Variants in CRMP1 observed in about 807,000 individuals in gnomAD.
CRMP1 encodes collapsin response mediator protein 1, also known as dihydropyrimidinase-related protein 1.
In CRMP1, 19 loss-of-function variants were observed where a neutral mutation model predicts 68.3. The observed-to-expected ratio is 0.28, with a 90% CI of 0.19 to 0.41. The LOEUF (loss-of-function observed/expected upper bound fraction) is 0.41, where lower values mean the gene tolerates loss of function less well. CRMP1 is among the 10% of genes least tolerant of loss of function. The probability of loss-of-function intolerance (pLI) is 1.00; values close to 1 mark genes in which losing one functional copy is unlikely to be tolerated. For synonymous variants in CRMP1, 439 were observed against 399.6 expected (o/e 1.10, Z -1.18); for missense variants, 791 against 967.4 (o/e 0.82, Z 2.42).
At chr4:5,829,488 T>G (rs1720194519) in intron 11 of CRMP1, among the ~76,000 whole-genome samples, 1 of 152,212 alleles carries the variant, frequency 6.6e-6, no homozygotes, top group African/African-American at 2.4e-5. Flanking sequence ...TGCTTTTTAT[T>G]ATTTTAAAAG....
intron 1 of CRMP1, among the ~76,000 whole-genome samples, chr4:5,868,269 A>ATATATATATC (rs1714154171): frequency 1.7e-4 from 3 of 17,180 alleles, no homozygotes; most frequent in Non-Finnish European, 3.2e-4. Flanking sequence ...ATCTATATAT[A>ATATATATATC]TATATATATA....
chr4:5,839,706 TA>T, intron 8 of CRMP1, 28 bp from the exon 9 acceptor site: 7 of 1,593,882 alleles, frequency 4.4e-6, no homozygotes, highest in Non-Finnish European at 6.0e-6. Context: ...TAAGCCTGGT[TA>T]AAAGCAAATA....
chr4:5,851,383 G>A (rs1281218080), intron 5 of CRMP1, 25 bp downstream of exon 5: 7 of 1,609,394 alleles, frequency 4.3e-6, no homozygotes, highest in Non-Finnish European at 3.4e-6. Context: ...GACAAGAGAG[G>A]AGAGAGTGAG....
At position 5,877,599 on chromosome 4, in the gene CRMP1, C is replaced by T. The variant is rs572201394; in HGVS notation, c.382-10843G>A. On this transcript the variant is annotated intron_variant, in intron 1 of 13. Coordinates refer to ENST00000324989, the MANE Select transcript of CRMP1 (RefSeq NM_001014809.3). The surrounding 1 kb of genome is among the most constrained non-coding windows in gnomAD (Gnocchi z 4.3). ...TGCCACACTATCCAGGAATGCAACCCACGAAGTGGCAACCGGTATGAGCCT... is the reference window on the plus strand; with the variant it reads ...TGCCACACTATCCAGGAATGCAACCTACGAAGTGGCAACCGGTATGAGCCT... 7.0e-4 allele frequency among the ~76,000 whole-genome samples: 107 copies of T among 152,348 alleles called. No homozygotes were observed. The highest frequency in any genetic ancestry group is 2.4e-3 in the African/African-American group (99 of 41,580).
chr4:5,866,872 T>G lies in CRMP1; in HGVS notation c.382-116A>C. Reference sequence around the variant, plus strand: ...ATTTTCAAAAGTAAAGGCATTTAACTTCCCCCGCCCCAGATCCATCACCAG... The same window carrying G: ...ATTTTCAAAAGTAAAGGCATTTAACGTCCCCCGCCCCAGATCCATCACCAG... On this transcript the variant is annotated intron_variant, in intron 1 of 13. Coordinates refer to ENST00000324989, the MANE Select transcript of CRMP1 (RefSeq NM_001014809.3). This position sits in a 1 kb window ranked among gnomAD's most constrained non-coding sequence, Gnocchi z 5.9. 7.7e-6 allele frequency: 5 copies of G among 645,590 alleles called. No homozygotes were observed. The highest frequency in any genetic ancestry group is 1.0e-5 in the Non-Finnish European group (4 of 386,284). 40.0% of individuals were successfully genotyped at this position (645,590 alleles called of 1,614,324 possible).
At position 5,860,727 on chromosome 4, in the gene CRMP1, T is replaced by G. The variant is rs1230903912; in HGVS notation, c.655+299A>C. ...TGTTTCTAAAAATCTAAATGTGACT[T>G]CAGTCTCATGCTAAGCGATTATATC... is the stretch of plus-strand genomic sequence containing the variant. On this transcript the variant is annotated intron_variant, in intron 3 of 13. Transcript: ENST00000324989. This position sits in a 1 kb window ranked among gnomAD's most constrained non-coding sequence, Gnocchi z 4.2. 6.6e-6 allele frequency among the ~76,000 whole-genome samples: 1 copy of G among 152,204 alleles called. No homozygotes were observed. The highest frequency in any genetic ancestry group is 1.5e-5 in the Non-Finnish European group (1 of 68,048).
intron 9 of CRMP1, 147 bp from the exon 10 acceptor site, chr4:5,837,053 T>C: frequency 1.1e-6 from 1 of 892,376 alleles, no homozygotes; most frequent in East Asian, 2.6e-5. Context: ...AGCGTGTGCC[T>C]GCACGTGTCA....
chr4:5,833,665 A>G (rs545536430), intron 11 of CRMP1, among the ~76,000 whole-genome samples: 1 of 152,306 alleles, frequency 6.6e-6, no homozygotes, highest in African/African-American at 2.4e-5. Context: ...CGAAGTAACT[A>G]CAAAACAGTA....
Position 5,843,981 on chromosome 4 carries a change from T to A in CRMP1, c.964-820A>T, listed in dbSNP as rs971806101. ...TCTAAAATAAAAAATAAAAAAAAAATTTGACATTGCCCAGATGCCAGCTGT... is the reference window on the plus strand; with the variant it reads ...TCTAAAATAAAAAATAAAAAAAAAAATTGACATTGCCCAGATGCCAGCTGT... On this transcript the variant is annotated intron_variant, in intron 6 of 13. Coordinates refer to ENST00000324989, the MANE Select transcript of CRMP1 (RefSeq NM_001014809.3). The surrounding 1 kb of genome is among the most constrained non-coding windows in gnomAD (Gnocchi z 4.1). Among the ~76,000 whole-genome samples the A allele has an allele frequency of 8.2e-5, 12 of 147,202 alleles. No individual in the cohort carries two copies. Among genetic ancestry groups the A allele is most frequent in the Non-Finnish European group, 1.4e-4 (9 of 66,616 alleles).
Position 5,838,960 on chromosome 4 carries a change from T to C in CRMP1, c.1310+562A>G, listed in dbSNP as rs893722714. Among the ~76,000 whole-genome samples, 4 of 152,186 alleles carry C rather than the reference T, an allele frequency of 2.6e-5. No individual in the cohort carries two copies. The highest frequency in any genetic ancestry group is 7.2e-5 in the African/African-American group (3 of 41,450). ...TTAGCCTCGCTGTGTGGCCCTGCTATTGCTAAGTGCTCTTCCCTCCTGGTG... is the reference window on the plus strand; with the variant it reads ...TTAGCCTCGCTGTGTGGCCCTGCTACTGCTAAGTGCTCTTCCCTCCTGGTG... On this transcript the variant is annotated intron_variant, in intron 9 of 13. Coordinates refer to ENST00000324989, the MANE Select transcript of CRMP1 (RefSeq NM_001014809.3). The surrounding 1 kb of genome is among the most constrained non-coding windows in gnomAD (Gnocchi z 4.9).
At chr4:5,823,495 G>T (rs1361025997) in intron 13 of CRMP1, among the ~76,000 whole-genome samples, 1 of 152,220 alleles carries the variant, frequency 6.6e-6, no homozygotes, top group Non-Finnish European at 1.5e-5. Flanking sequence ...ACTTCGTGTT[G>T]AAATTTGATC....
In CRMP1 at chr4:5,860,947, C is replaced by A; in HGVS notation, c.655+79G>T. On this transcript the variant is annotated intron_variant, in intron 3 of 13. Coordinates refer to ENST00000324989, the MANE Select transcript of CRMP1 (RefSeq NM_001014809.3). This position sits in a 1 kb window ranked among gnomAD's most constrained non-coding sequence, Gnocchi z 4.2. ...CACCCTGGGCAGAGAGCCTCGAACA[C>A]ACTGAGCACTTGTGATGCTGGTGAT... 6.9e-7 allele frequency: 1 copy of A among 1,452,864 alleles called. No homozygotes were observed. Among genetic ancestry groups the A allele is most frequent in the South Asian group, 1.3e-5 (1 of 77,962 alleles). 90.0% of individuals were successfully genotyped at this position (1,452,864 alleles called of 1,614,324 possible).
intron 11 of CRMP1, among the ~76,000 whole-genome samples, chr4:5,831,194 A>T (rs150193411): frequency 8.2e-4 from 124 of 152,032 alleles, no homozygotes; most frequent in African/African-American, 2.9e-3. Context: ...AAGTCCCCCT[A>T]CCTGAGCCTC....
At chr4:5,839,755 G>A in intron 8 of CRMP1, 77 bp from the exon 9 acceptor site, 1 of 1,463,106 alleles carries the variant, frequency 6.8e-7, no homozygotes, top group East Asian at 2.4e-5. Context: ...AAAATTGGAA[G>A]ACTGTGGAGG....
chr4:5,848,306 A>G (rs1712372553), intron 6 of CRMP1, among the ~76,000 whole-genome samples: 1 of 152,132 alleles, frequency 6.6e-6, no homozygotes, highest in South Asian at 2.1e-4. Flanking sequence ...TAATACCTGT[A>G]TTCCCACCTG....
Position 5,825,907 on chromosome 4 carries a change from ACAC to A in CRMP1, c.1804-251_1804-249del, listed in dbSNP as rs1719516786. The A allele has an allele frequency of 5.8e-6, 3 of 518,676 alleles. No individual in the cohort carries two copies. The highest frequency in any genetic ancestry group is 4.9e-4 in the Middle Eastern group (1 of 2,028). 32.1% of individuals were successfully genotyped at this position (518,676 alleles called of 1,614,324 possible). A position where few individuals can be genotyped will look rare whatever the true frequency, so the allele number is the denominator to read the frequency against. ...CACATGCATACACATACAGACGCAC[ACAC>A]CACGCACACGCACTCACATACATGC... On this transcript the variant is annotated intron_variant, in intron 12 of 13. Transcript: ENST00000324989. This position sits in a 1 kb window ranked among gnomAD's most constrained non-coding sequence, Gnocchi z 4.4.
chr4:5,873,995 T>C (rs1714638660), intron 1 of CRMP1, among the ~76,000 whole-genome samples: 1 of 152,058 alleles, frequency 6.6e-6, no homozygotes, highest in Admixed American at 6.5e-5. Context: ...TGGGTGGAAA[T>C]GGAAGAAGGG....
chr4:5,831,326 A>C (rs1720369781), intron 11 of CRMP1, among the ~76,000 whole-genome samples: 1 of 152,142 alleles, frequency 6.6e-6, no homozygotes, highest in Non-Finnish European at 1.5e-5. Context: ...CTTCCATAGA[A>C]AAACTATCAA....
In CRMP1 at chr4:5,855,211, G is replaced by A. The variant is rs527831646; in HGVS notation, c.820+932C>T. ...CATTTAGAGTAAATTGTGATTGGGG[G>A]TAGAACCAGAGGAAAACAATTTTTT... On this transcript the variant is annotated intron_variant, in intron 4 of 13. Coordinates refer to ENST00000324989, the MANE Select transcript of CRMP1 (RefSeq NM_001014809.3). This position sits in a 1 kb window ranked among gnomAD's most constrained non-coding sequence, Gnocchi z 4.9. 2.8e-4 allele frequency among the ~76,000 whole-genome samples: 43 copies of A among 152,300 alleles called. 1 individual carries two copies. Among genetic ancestry groups the A allele is most frequent in the South Asian group, 1.9e-3 (9 of 4,816 alleles).
Sources: gnomAD v4.1 joint callset for allele counts (sites outside exome capture counted in the v4.1 genomes callset) on GRCh38, gnomAD v4.1.1 for gene constraint, Gnocchi (gnomAD v3.1) non-coding constraint, MANE v1.5 for transcripts, NCBI Gene and HGNC (gene_info 2026-07-23, HGNC 2026-07-21) for gene names.